ACBD4: variants seen among roughly 807,000 people sequenced by gnomAD.
ACBD4 encodes the protein acyl-CoA-binding domain-containing protein 4.
In ACBD4, 41 loss-of-function variants were observed where a neutral mutation model predicts 46.0. That is an observed-to-expected ratio of 0.89 (90% CI 0.69 to 1.16). ACBD4 has a LOEUF of 1.16. Among genes scored for constraint, ACBD4 ranks in the 50% most tolerant of loss-of-function variants. The pLI is 0.00. For synonymous variants in ACBD4, 162 were observed against 155.9 expected, an observed-to-expected ratio of 1.04 and a Z score of -0.29; for missense variants, 393 against 399.5, an observed-to-expected ratio of 0.98 and a Z score of 0.14.
chr17:45,132,212 C>A, upstream of ACBD4: 1 of 1,248,930 alleles, frequency 8.0e-7, no homozygotes. This position sits in a 1 kb window ranked among gnomAD's most constrained non-coding sequence, Gnocchi z 4.6. Flanking sequence ...TGGGAACGGT[C>A]CGCGCCCACC....
chr17:45,132,732 G>A (rs1284009486), upstream of ACBD4: 3 of 175,840 alleles, frequency 1.7e-5, no homozygotes, highest in African/African-American at 7.1e-5. This position sits in a 1 kb window ranked among gnomAD's most constrained non-coding sequence, Gnocchi z 4.6. Flanking sequence ...GAGCCCCCAT[G>A]CTGCGGGGCT....
At chr17:45,141,426 G>T (rs569144737) in intron 9 of ACBD4, among the ~76,000 whole-genome samples, 13 of 152,106 alleles carry the variant, frequency 8.5e-5, no homozygotes, top group Non-Finnish European at 1.3e-4. Context: ...GGTGGCTCAC[G>T]CCTGTAATCC....
upstream of ACBD4, among the ~76,000 whole-genome samples, chr17:45,131,892 C>A (rs1742753351): frequency 6.6e-6 from 1 of 152,190 alleles, no homozygotes; most frequent in Non-Finnish European, 1.5e-5. Context: ...CCGAGACACC[C>A]TGGCAGAACC....
upstream of ACBD4, chr17:45,132,176 C>T (rs1018312049): frequency 9.0e-6 from 11 of 1,225,248 alleles, no homozygotes; most frequent in African/African-American, 1.6e-4. This position sits in a 1 kb window ranked among gnomAD's most constrained non-coding sequence, Gnocchi z 4.6. Context: ...ACGAACTGCT[C>T]CCTGGAGCGC....
intron 9 of ACBD4, chr17:45,142,566 T>C: frequency 3.7e-6 from 1 of 271,566 alleles, no homozygotes; most frequent in Non-Finnish European, 7.4e-6. Context: ...TTTTTTTTTT[T>C]TTTTTTTGAG....
chr17:45,138,787 TAAAA>T (rs78362547), intron 8 of ACBD4, among the ~76,000 whole-genome samples: 1 of 108,490 alleles, frequency 9.2e-6, no homozygotes, highest in East Asian at 2.6e-4. Context: ...CAAGACTGTC[TAAAA>T]AAAAAAAAAA....
At chr17:45,139,292 C>G (rs1014629896) in intron 9 of ACBD4, 132 bp downstream of exon 9, 2 of 959,270 alleles carry the variant, frequency 2.1e-6, no homozygotes, top group Non-Finnish European at 3.2e-6. Context: ...AATGGCATGG[C>G]TCCTGCTACA....
At chr17:45,137,315 T>C in intron 5 of ACBD4, 53 bp from the exon 6 acceptor site, 2 of 1,601,664 alleles carry the variant, frequency 1.2e-6, no homozygotes, top group Non-Finnish European at 1.7e-6. Flanking sequence ...TTGATCACAC[T>C]GGGAGGTGCC....
intron 5 of ACBD4, 92 bp from the exon 6 acceptor site, chr17:45,137,276 A>G: frequency 6.3e-7 from 1 of 1,591,200 alleles, no homozygotes; most frequent in South Asian, 1.1e-5. Context: ...GATCCCAGGC[A>G]GCATCCACGG....
chr17:45,143,625 G>T lies in ACBD4; in HGVS notation c.*54G>T. 6.2e-7 allele frequency: 1 copy of T among 1,613,684 alleles called. No individual in the cohort carries two copies. The highest frequency in any genetic ancestry group is 8.5e-7 in the Non-Finnish European group (1 of 1,179,900). On this transcript the variant is annotated 3_prime_UTR_variant, in exon 10 of 10. Transcript: ENST00000321854. ...CTGAGACTATCTTGCTGTGCCCTGA[G>T]CCTTCCTAGGGTTTAGAAGAACAGC...
At chr17:45,133,747 G>A (rs1358765730), upstream of ACBD4, among the ~76,000 whole-genome samples, 1 of 151,586 alleles carries the variant, frequency 6.6e-6, no homozygotes, top group African/African-American at 2.4e-5. Context: ...TAGCCGGGAT[G>A]GTCTCGATCT....
upstream of ACBD4, chr17:45,132,317 G>A (rs937017799): frequency 8.0e-7 from 1 of 1,246,876 alleles, no homozygotes; most frequent in South Asian, 3.9e-5. This position sits in a 1 kb window ranked among gnomAD's most constrained non-coding sequence, Gnocchi z 4.6. Context: ...GGGGACGGGA[G>A]AGCGACCGGC....
At position 45,137,075 on chromosome 17, in the gene ACBD4, G is replaced by C. The variant is rs2054896371; in HGVS notation, c.351G>C (p.Glu117Asp). The change falls in exon 5 of 10, where the codon GAG becomes GAC. Residue 117 changes from glutamate to aspartate, a missense_variant. Around this residue, in one of 3 missense-constraint regions of ACBD4, gnomAD observed 308 missense variants for 301.8 expected, o/e 1.02. Coordinates refer to ENST00000321854, the MANE Select transcript of ACBD4 (RefSeq NM_001135705.3). ...EVAEDMFGYFEPLYQVIPDMP... is the reference protein window; with the variant it reads ...EVAEDMFGYFDPLYQVIPDMP... ...CAGAGGACATGTTTGGTTACTTCGA[G>C]CCCCTGTACCAGGTGATCCCTGACA... is the stretch of plus-strand genomic sequence containing the variant. 1 of 1,614,000 alleles carries C rather than the reference G, an allele frequency of 6.2e-7. No individual in the cohort carries two copies. Among genetic ancestry groups the C allele is most frequent in the Non-Finnish European group, 8.5e-7 (1 of 1,180,028 alleles).
chr17:45,134,107 A>C (rs2054637375), upstream of ACBD4, among the ~76,000 whole-genome samples: 1 of 152,188 alleles, frequency 6.6e-6, no homozygotes, highest in Non-Finnish European at 1.5e-5. Context: ...ATTCCTTTGT[A>C]TTAGGAACAT....
At chr17:45,136,017 A>G in intron 1 of ACBD4, 64 bp downstream of exon 1, 1 of 899,828 alleles carries the variant, frequency 1.1e-6, no homozygotes, top group African/African-American at 1.7e-5. Flanking sequence ...GCCTCTAAAG[A>G]GCTTAGTTTG....
Position 45,143,714 on chromosome 17 carries a change from G to GTCTTATTTGCCCCCC in ACBD4, c.*143_*144insTCTTATTTGCCCCCC. On this transcript the variant is annotated 3_prime_UTR_variant, in exon 10 of 10. Transcript: ENST00000321854. ...CCTCCTCCCCTAAAGCAGCGCGGGG[G>GTCTTATTTGCCCCCC]GCAAATAAGACCCCACCCCTCCCTG... The GTCTTATTTGCCCCCC allele has an allele frequency of 7.2e-7, 1 of 1,396,006 alleles. No individual in the cohort carries two copies. The highest frequency in any genetic ancestry group is 9.8e-7 in the Non-Finnish European group (1 of 1,016,386). The allele number at this position is 1,396,006 out of a possible 1,614,324, so 86.5% of individuals were successfully genotyped here.
rs1038583140 is a variant in ACBD4, at chr17:45,136,958, C to T, written c.295-61C>T. 3.7e-6 allele frequency: 6 copies of T among 1,608,860 alleles called. No individual in the cohort carries two copies. The African/African-American group carries it at 4.0e-5, about 11-fold the overall frequency. ...CACAGGGTGGAGGTGTGTGACAGGG[C>T]AGGAGCAGGGAGGAAGGGACAGGAG... On this transcript the variant is annotated intron_variant, in intron 4 of 9. Transcript: ENST00000321854.
chr17:45,138,955 G>A (rs2055076434), intron 8 of ACBD4, 66 bp from the exon 9 acceptor site: 1 of 1,567,804 alleles, frequency 6.4e-7, no homozygotes. Context: ...GCCCCAGCCT[G>A]CCCCCACCCT....
Position 45,137,129 on chromosome 17 carries a change from A to G in ACBD4, c.405A>G (p.Arg135=). 6.2e-7 allele frequency: 1 copy of G among 1,614,056 alleles called. No individual in the cohort carries two copies. The change falls in exon 5 of 10, where the codon AGA becomes AGG. Residue 135 remains arginine (R), a synonymous_variant. Coordinates refer to ENST00000321854, the MANE Select transcript of ACBD4 (RefSeq NM_001135705.3). ...CGAGGCCCCCAGAGACCTTCCTGAG[A>G]AGGGTCACAGGTCAGACTCCCAGGC... is the stretch of plus-strand genomic sequence containing the variant. ...DMPRPPETFL[R]RVTGWKEQVV...
Sources: allele counts gnomAD v4.1 joint callset (sites outside exome capture counted in the v4.1 genomes callset), GRCh38; gene constraint gnomAD v4.1.1; regional missense constraint gnomAD v4.1.1; non-coding constraint Gnocchi (gnomAD v3.1); transcripts MANE v1.5; gene names NCBI Gene and HGNC (gene_info 2026-07-23, HGNC 2026-07-21).